The following IQCH variants were observed in gnomAD, a reference collection of about 807,000 sequenced individuals.
The protein encoded by IQCH is IQ motif containing H, also known as IQ domain-containing protein H.
A neutral mutation model predicts 117.0 loss-of-function variants in IQCH; 98 were observed. The observed-to-expected ratio is 0.84, with a 90% CI of 0.71 to 0.99. The LOEUF (loss-of-function observed/expected upper bound fraction) is 0.99, where lower values mean the gene tolerates loss of function less well. IQCH is among the 50% of genes least tolerant of loss of function. IQCH has a pLI of 0.00. For missense variants in IQCH, 1,102 were observed against 1,243.8 expected (o/e 0.89, Z 1.72); for synonymous variants, 412 against 448.2 (o/e 0.92, Z 1.02).
chr15:67,423,631 G>A (rs2081807732), intron 16 of IQCH, among the ~76,000 whole-genome samples: 3 of 150,862 alleles, frequency 2.0e-5, no homozygotes, highest in Admixed American at 1.3e-4. Flanking sequence ...GGCTGGGCAC[G>A]GTAGCTCACG....
intron 20 of IQCH, among the ~76,000 whole-genome samples, chr15:67,499,399 C>G (rs978603882): frequency 1.5e-4 from 22 of 145,378 alleles, no homozygotes; most frequent in African/African-American, 5.6e-4. Flanking sequence ...ATCAAAGCTA[C>G]AATGAAACAT....
At position 67,372,359 on chromosome 15, in the gene IQCH, G is replaced by A. The variant is rs267604297; in HGVS notation, c.1002G>A (p.Thr334=). The A allele has an allele frequency of 1.9e-5, 30 of 1,613,858 alleles. No homozygotes were observed. Among genetic ancestry groups the A allele is most frequent in the Middle Eastern group, 1.6e-4 (1 of 6,084 alleles). ...LVALLPEFEL[T]NKLTRYDLLS... ...CCCTCCTTCCAGAGTTTGAGCTGAC[G>A]AATAAACTTACCAGATATGACCTTC... is the stretch of plus-strand genomic sequence containing the variant. The change falls in exon 9 of 21, where the codon ACG becomes ACA. Residue 334 remains threonine (T), a synonymous_variant. Coordinates refer to ENST00000335894, the MANE Select transcript of IQCH (RefSeq NM_001031715.3).
At chr15:67,340,649 T>C (rs896375501) in intron 5 of IQCH, among the ~76,000 whole-genome samples, 1 of 152,002 alleles carries the variant, frequency 6.6e-6, no homozygotes, top group Non-Finnish European at 1.5e-5. Flanking sequence ...ATTTGGGAGG[T>C]CCAGGGAGCA....
rs1366416559 is a variant in IQCH at position 67,433,860 on chromosome 15, T to C, written c.2505+12283T>C. 6.6e-6 allele frequency among the ~76,000 whole-genome samples: 1 copy of C among 152,210 alleles called. No individual in the cohort carries two copies. Among genetic ancestry groups the C allele is most frequent in the Non-Finnish European group, 1.5e-5 (1 of 68,028 alleles). On this transcript the variant is annotated intron_variant, in intron 16 of 20. Coordinates refer to ENST00000335894, the MANE Select transcript of IQCH (RefSeq NM_001031715.3). The surrounding 1 kb of genome is among the most constrained non-coding windows in gnomAD (Gnocchi z 5.4). ...TCCCAAAACAAAGCTGAAAGTTGTT[T>C]CTAGTTCCAGCTGTCACCTGTGGTC...
intron 5 of IQCH, among the ~76,000 whole-genome samples, chr15:67,338,249 G>A (rs12909761): frequency 0.3 from 18,506 of 61,674 alleles, 1,326 homozygotes; most frequent in East Asian, 0.47. Context: ...CTATCTATCT[G>A]TCTGCTCTGC....
At chr15:67,307,136 T>C (rs1397667015) in intron 4 of IQCH, 6 of 1,094,850 alleles carry the variant, frequency 5.5e-6, no homozygotes, top group Non-Finnish European at 6.7e-6. Flanking sequence ...AAAAACATTT[T>C]TCTTTTTGGC....
intron 4 of IQCH, among the ~76,000 whole-genome samples, chr15:67,323,296 G>A (rs1397546894): frequency 2.2e-5 from 3 of 134,108 alleles, no homozygotes; most frequent in African/African-American, 8.6e-5. Context: ...AGGCTGGAGT[G>A]CAGTGGTGCG....
Position 67,263,032 on chromosome 15 carries a change from A to G in IQCH, c.175-90A>G. On this transcript the variant is annotated intron_variant, in intron 2 of 20. Transcript: ENST00000335894. ...AGCATGTTGTGGTTTTGGCTTAATT[A>G]CAGGATTCAGAGTATTAACCTAATG... is the stretch of plus-strand genomic sequence containing the variant. 3 of 747,780 alleles carry G rather than the reference A, an allele frequency of 4.0e-6. No individual in the cohort carries two copies. In the South Asian group the frequency reaches 4.5e-5, roughly 11 times the overall value. The allele number at this position is 747,780 out of a possible 1,614,324, so 46.3% of individuals were successfully genotyped here.
chr15:67,367,396 G>A (rs1970371426), intron 8 of IQCH, among the ~76,000 whole-genome samples: 1 of 152,010 alleles, frequency 6.6e-6, no homozygotes, highest in Admixed American at 6.6e-5. Flanking sequence ...AAAATTAGAT[G>A]GGCGTCATGA....
rs1365705695 is a variant in IQCH, at chr15:67,453,196, T to G, written c.2506-11931T>G. 6.6e-6 allele frequency among the ~76,000 whole-genome samples: 1 copy of G among 152,246 alleles called. No homozygotes were observed. The highest frequency in any genetic ancestry group is 1.5e-5 in the Non-Finnish European group (1 of 68,044). Reference sequence around the variant, plus strand: ...TTTCCTCCTGTAGCTCAGAGTAGTTTGATCATCTGAAGCCTTCTTCTCTCA... The same window carrying G: ...TTTCCTCCTGTAGCTCAGAGTAGTTGGATCATCTGAAGCCTTCTTCTCTCA... On this transcript the variant is annotated intron_variant, in intron 16 of 20. Coordinates refer to ENST00000335894, the MANE Select transcript of IQCH (RefSeq NM_001031715.3). The surrounding 1 kb of genome is among the most constrained non-coding windows in gnomAD (Gnocchi z 5.8).
At position 67,390,912 on chromosome 15, in the gene IQCH, G is replaced by C. The variant is rs1971265360; in HGVS notation, c.1632+1906G>C. ...TAGTCCAAGGTTACTAGTAAGGCCA[G>C]AGTGTGAACCAAAATCTCTCTACCG... is the stretch of plus-strand genomic sequence containing the variant. On this transcript the variant is annotated intron_variant, in intron 12 of 20. Coordinates refer to ENST00000335894, the MANE Select transcript of IQCH (RefSeq NM_001031715.3). The surrounding 1 kb of genome is among the most constrained non-coding windows in gnomAD (Gnocchi z 5.0). Among the ~76,000 whole-genome samples, 1 of 152,238 alleles carries C rather than the reference G, an allele frequency of 6.6e-6. No homozygotes were observed. The highest frequency in any genetic ancestry group is 1.5e-5 in the Non-Finnish European group (1 of 68,048).
At chr15:67,291,599 A>T (rs1295820633) in intron 4 of IQCH, among the ~76,000 whole-genome samples, 4 of 152,234 alleles carry the variant, frequency 2.6e-5, no homozygotes, top group Non-Finnish European at 5.9e-5. Flanking sequence ...AATTTCACCC[A>T]AACGAAAGTT....
intron 18 of IQCH, among the ~76,000 whole-genome samples, chr15:67,486,570 G>A (rs537369473): frequency 1.5e-4 from 23 of 152,070 alleles, no homozygotes; most frequent in African/African-American, 5.1e-4. Flanking sequence ...TTTAAAAGGG[G>A]GATATAAAAT....
chr15:67,401,497 C>A lies in IQCH; in HGVS notation c.2097+1192C>A, dbSNP rs1003092907. On this transcript the variant is annotated intron_variant, in intron 14 of 20. Coordinates refer to ENST00000335894, the MANE Select transcript of IQCH (RefSeq NM_001031715.3). This position sits in a 1 kb window ranked among gnomAD's most constrained non-coding sequence, Gnocchi z 4.7. ...GCAGTGGGCTATGCAAAGTGATTTGCGTCTGCTTTGAGCATCCCGCTACGG... is the reference window on the plus strand; with the variant it reads ...GCAGTGGGCTATGCAAAGTGATTTGAGTCTGCTTTGAGCATCCCGCTACGG... Among the ~76,000 whole-genome samples, 1 of 152,128 alleles carries A rather than the reference C, an allele frequency of 6.6e-6. No homozygotes were observed. Among genetic ancestry groups the A allele is most frequent in the Non-Finnish European group, 1.5e-5 (1 of 68,028 alleles).
chr15:67,473,871 CTCA>C lies in IQCH; in HGVS notation c.2677-1824_2677-1822del, dbSNP rs561458318. 0.021 allele frequency among the ~76,000 whole-genome samples: 3,247 copies of C among 152,200 alleles called. 115 individuals carry two copies. The highest frequency in any genetic ancestry group is 0.071 in the African/African-American group (2,947 of 41,512). On this transcript the variant is annotated intron_variant, in intron 17 of 20. Coordinates refer to ENST00000335894, the MANE Select transcript of IQCH (RefSeq NM_001031715.3). This position sits in a 1 kb window ranked among gnomAD's most constrained non-coding sequence, Gnocchi z 4.9. ...GGGACGCTACAAGTGGGGTAAACAA[CTCA>C]AGATGTATTAGCCTGTGGGGGCCTA...
At chr15:67,275,382 C>A (rs193262020) in intron 3 of IQCH, among the ~76,000 whole-genome samples, 1 of 152,016 alleles carries the variant, frequency 6.6e-6, no homozygotes. Flanking sequence ...GAGTTTTTTC[C>A]CTTCTCCATG....
rs555932799 is a variant in IQCH at position 67,376,079 on chromosome 15, A to C, written c.1372+2646A>C. On this transcript the variant is annotated intron_variant, in intron 10 of 20. Transcript: ENST00000335894. This position sits in a 1 kb window ranked among gnomAD's most constrained non-coding sequence, Gnocchi z 5.0. Reference sequence around the variant, plus strand: ...TGGGATTATAGGTGTGAGCCACCGCATCCGGCCGTGCTTTGGATTTTATAC... The same window carrying C: ...TGGGATTATAGGTGTGAGCCACCGCCTCCGGCCGTGCTTTGGATTTTATAC... 4.6e-4 allele frequency among the ~76,000 whole-genome samples: 70 copies of C among 152,230 alleles called. No homozygotes were observed. Among genetic ancestry groups the C allele is most frequent in the African/African-American group, 1.7e-3 (70 of 41,552 alleles).
chr15:67,365,266 G>A lies in IQCH; in HGVS notation c.753+5381G>A, dbSNP rs190678958. 1.6e-4 allele frequency among the ~76,000 whole-genome samples: 24 copies of A among 152,286 alleles called. No homozygotes were observed. Among genetic ancestry groups the A allele is most frequent in the African/African-American group, 5.5e-4 (23 of 41,554 alleles). On this transcript the variant is annotated intron_variant, in intron 8 of 20. Transcript: ENST00000335894. This position sits in a 1 kb window ranked among gnomAD's most constrained non-coding sequence, Gnocchi z 4.4. ...TAGCCTGTGGAACTTCTTGATCAAA[G>A]GGTATGGACATTTTTGTATCTCAGT...
chr15:67,372,185 C>T lies in IQCH; in HGVS notation c.828C>T (p.Val276=), dbSNP rs551991041. Residue 276 remains valine, a synonymous_variant, in exon 9 of 21, where the codon GTC becomes GTT. Coordinates refer to ENST00000335894, the MANE Select transcript of IQCH (RefSeq NM_001031715.3). ...WDYDFLIYDG[V]IDNTAPDFLA... ...ATGACTTTTTAATTTATGATGGTGTCATAGACAATACAGCCCCAGACTTCT... is the reference window on the plus strand; with the variant it reads ...ATGACTTTTTAATTTATGATGGTGTTATAGACAATACAGCCCCAGACTTCT... 4 of 1,613,992 alleles carry T rather than the reference C, an allele frequency of 2.5e-6. No individual in the cohort carries two copies. Among genetic ancestry groups the T allele is most frequent in the South Asian group, 2.2e-5 (2 of 91,064 alleles).
Sources: gnomAD v4.1 joint callset for allele counts (sites outside exome capture counted in the v4.1 genomes callset) on GRCh38, gnomAD v4.1.1 for gene constraint, Gnocchi (gnomAD v3.1) non-coding constraint, MANE v1.5 for transcripts, NCBI Gene and HGNC (gene_info 2026-07-23, HGNC 2026-07-21) for gene names.